Variants in SPOCK1 observed in about 807,000 individuals in gnomAD.
SPOCK1 encodes SPARC (osteonectin), cwcv and kazal like domains proteoglycan 1, also known as testican-1.
A neutral mutation model predicts 55.3 loss-of-function variants in SPOCK1; 23 were observed. The observed-to-expected ratio is 0.42, with a 90% CI of 0.30 to 0.59. The LOEUF is 0.59. Ranked by LOEUF, SPOCK1 falls within the 20% of genes least tolerant of loss-of-function variation. The pLI is 0.22. For synonymous variants in SPOCK1, 226 were observed against 221.0 expected (o/e 1.02, Z -0.20); for missense variants, 499 against 552.5 (o/e 0.90, Z 0.97).
At chr5:137,434,641 A>G (rs982158975) in intron 2 of SPOCK1, among the ~76,000 whole-genome samples, 14 of 151,016 alleles carry the variant, frequency 9.3e-5, no homozygotes, top group Non-Finnish European at 1.5e-4. Context: ...CTGAGATTAC[A>G]GGCGCCCGCC....
chr5:137,389,016 C>G (rs1240566980), intron 2 of SPOCK1, among the ~76,000 whole-genome samples: 1 of 152,202 alleles, frequency 6.6e-6, no homozygotes, highest in African/African-American at 2.4e-5. Context: ...ACCTAAGGCT[C>G]ATTCCAAAGA....
At chr5:137,087,849 T>G (rs995287021) in intron 5 of SPOCK1, among the ~76,000 whole-genome samples, 5 of 130,486 alleles carry the variant, frequency 3.8e-5, no homozygotes, top group African/African-American at 1.4e-4. Flanking sequence ...CAGAAAAAAG[T>G]GTGTAAACCA....
At chr5:137,211,690 A>C (rs1215987112) in intron 3 of SPOCK1, among the ~76,000 whole-genome samples, 2 of 152,160 alleles carry the variant, frequency 1.3e-5, no homozygotes, top group Non-Finnish European at 2.9e-5. Context: ...GTCCCACCCC[A>C]ACCTCTCGGC....
intron 6 of SPOCK1, among the ~76,000 whole-genome samples, chr5:137,053,251 G>A (rs1752239693): frequency 6.6e-6 from 1 of 152,116 alleles, no homozygotes; most frequent in Non-Finnish European, 1.5e-5. Context: ...GGGCGCCAGA[G>A]GGCAAAGTAG....
At chr5:136,982,370 CAAT>C (rs1258923700) in intron 9 of SPOCK1, among the ~76,000 whole-genome samples, 1 of 152,136 alleles carries the variant, frequency 6.6e-6, no homozygotes, top group Non-Finnish European at 1.5e-5. Flanking sequence ...AAATACTAAT[CAAT>C]AATAATAAAT....
chr5:137,152,960 A>G (rs1365111927), intron 3 of SPOCK1, among the ~76,000 whole-genome samples: 2 of 152,238 alleles, frequency 1.3e-5, no homozygotes, highest in African/African-American at 2.4e-5. Flanking sequence ...TAAGTAGCCA[A>G]TCTGGGATGT....
chr5:137,143,407 G>A (rs187121405), intron 3 of SPOCK1, among the ~76,000 whole-genome samples: 6 of 152,308 alleles, frequency 3.9e-5, no homozygotes, highest in Non-Finnish European at 8.8e-5. Context: ...CAGCTGAGCA[G>A]ATCCGGGAAC....
At chr5:137,029,557 G>A (rs34861174) in intron 6 of SPOCK1, among the ~76,000 whole-genome samples, 11,256 of 152,272 alleles carry the variant, frequency 0.074, 972 homozygotes, top group African/African-American at 0.2. Context: ...GCTGGGATTA[G>A]GCCCTGGGTC....
At chr5:137,221,329 G>T (rs187717504) in intron 3 of SPOCK1, among the ~76,000 whole-genome samples, 240 of 152,262 alleles carry the variant, frequency 1.6e-3, no homozygotes, top group African/African-American at 5.5e-3. Flanking sequence ...ACTGCCATGT[G>T]CATCCAGCTG....
chr5:137,476,540 G>A (rs1490559137), intron 2 of SPOCK1, among the ~76,000 whole-genome samples: 1 of 152,180 alleles, frequency 6.6e-6, no homozygotes, highest in Non-Finnish European at 1.5e-5. Flanking sequence ...TTTTCTAGGG[G>A]TGTCAGTGAT....
At chr5:137,489,853 G>A (rs1754136950) in intron 2 of SPOCK1, among the ~76,000 whole-genome samples, 1 of 152,190 alleles carries the variant, frequency 6.6e-6, no homozygotes, top group Non-Finnish European at 1.5e-5. Flanking sequence ...GTTCACTGCA[G>A]TCCTCCTGCA....
chr5:136,982,376 TAATA>T (rs1750749462), intron 9 of SPOCK1, among the ~76,000 whole-genome samples: 1 of 152,368 alleles, frequency 6.6e-6, no homozygotes, highest in Admixed American at 6.5e-5. Flanking sequence ...TAATCAATAA[TAATA>T]AATGTGTTTG....
intron 2 of SPOCK1, among the ~76,000 whole-genome samples, chr5:137,460,365 C>T (rs754686210): frequency 1.3e-5 from 2 of 152,112 alleles, no homozygotes; most frequent in African/African-American, 4.8e-5. Flanking sequence ...TAGGATATGA[C>T]GCCTCCAGGG....
chr5:137,358,450 G>T (rs1289932437), intron 2 of SPOCK1, among the ~76,000 whole-genome samples: 1 of 113,712 alleles, frequency 8.8e-6, no homozygotes, highest in Non-Finnish European at 2.0e-5. Flanking sequence ...GGGAGGGAGG[G>T]AGGGAAGGGG....
intron 2 of SPOCK1, among the ~76,000 whole-genome samples, chr5:137,478,241 G>C (rs1254676411): frequency 1.3e-5 from 2 of 152,148 alleles, no homozygotes; most frequent in African/African-American, 2.4e-5. Flanking sequence ...ACCTGGCACA[G>C]ACTAAGTCAT....
intron 3 of SPOCK1, among the ~76,000 whole-genome samples, chr5:137,163,734 T>C (rs1401859190): frequency 6.6e-6 from 1 of 152,208 alleles, no homozygotes. Flanking sequence ...GTGACCAGGC[T>C]AGATCGCGCA....
intron 3 of SPOCK1, among the ~76,000 whole-genome samples, chr5:137,200,552 T>C (rs1755405717): frequency 6.6e-6 from 1 of 152,232 alleles, no homozygotes; most frequent in Admixed American, 6.5e-5. Flanking sequence ...GCTAGAACAG[T>C]GTTTGGCACA....
At chr5:137,020,339 A>G (rs1464146207) in intron 6 of SPOCK1, among the ~76,000 whole-genome samples, 2 of 151,906 alleles carry the variant, frequency 1.3e-5, no homozygotes. Context: ...CAGACTTTTA[A>G]TATCAGAATT....
At chr5:137,312,071 T>C (rs1386151509) in intron 2 of SPOCK1, among the ~76,000 whole-genome samples, 13 of 152,376 alleles carry the variant, frequency 8.5e-5, no homozygotes. Flanking sequence ...CTTTCATTGC[T>C]TGGCACGTAG....
Sources: allele counts gnomAD v4.1 joint callset (sites outside exome capture counted in the v4.1 genomes callset), GRCh38; gene constraint gnomAD v4.1.1; transcripts MANE v1.5; gene names NCBI Gene and HGNC (gene_info 2026-07-23, HGNC 2026-07-21).